CREB3L2: variants seen among roughly 807,000 people sequenced by gnomAD.
The protein encoded by CREB3L2 is cAMP responsive element binding protein 3 like 2, also known as cyclic AMP-responsive element-binding protein 3-like protein 2.
Under a neutral mutation model 57.2 loss-of-function variants are expected in CREB3L2, and 23 were observed. That is an observed-to-expected ratio of 0.40 (90% CI 0.29 to 0.57). The LOEUF (loss-of-function observed/expected upper bound fraction) is 0.57, where lower values mean the gene tolerates loss of function less well. CREB3L2 is among the 20% of genes least tolerant of loss of function. The pLI, the probability that CREB3L2 is intolerant of heterozygous loss-of-function variation, is 0.42. For missense variants in CREB3L2, 628 were observed against 634.7 expected (o/e 0.99, Z 0.11); for synonymous variants, 268 against 265.1 (o/e 1.01, Z -0.11).
chr7:137,999,397 C>CACACACACACAG (rs1554506145), intron 1 of CREB3L2, among the ~76,000 whole-genome samples: 2 of 151,698 alleles, frequency 1.3e-5, no homozygotes, highest in Admixed American at 1.3e-4. Context: ...CACACACACA[C>CACACACACACAG]ACACACACAC....
intron 1 of CREB3L2, among the ~76,000 whole-genome samples, chr7:138,000,614 G>A (rs568809271): frequency 1.3e-5 from 2 of 152,176 alleles, no homozygotes; most frequent in African/African-American, 4.8e-5. Flanking sequence ...TCTTGGTACT[G>A]ACCCCATTAA....
Position 137,908,413 on chromosome 7 carries a change from G to A in CREB3L2, c.607C>T (p.Pro203Ser), listed in dbSNP as rs866063606. Reference sequence around the variant, plus strand: ...CCGTGACTGCTCGGAGGGGTGGGCGGCAAATGCAGGTGGTCCACTGGGGCT... The same window carrying A: ...CCGTGACTGCTCGGAGGGGTGGGCGACAAATGCAGGTGGTCCACTGGGGCT... ...KEAPVDHLHL[P>S]PTPPSSHGSD... Residue 203 changes from proline (P) to serine (S), a missense_variant, in exon 5 of 12, where the codon CCG becomes TCG. Coordinates refer to ENST00000330387, the MANE Select transcript of CREB3L2 (RefSeq NM_194071.4). 2 of 1,266,190 alleles carry A rather than the reference G, an allele frequency of 1.6e-6. No homozygotes were observed. Among genetic ancestry groups the A allele is most frequent in the South Asian group, 3.5e-5 (1 of 28,914 alleles). The allele number at this position is 1,266,190 out of a possible 1,614,324, so 78.4% of individuals were successfully genotyped here. A position where few individuals can be genotyped will look rare whatever the true frequency, so the allele number is the denominator to read the frequency against.
rs534777930 is a variant in CREB3L2 at position 137,880,831 on chromosome 7, C to T, written c.1488-280G>A. The stretch of plus-strand genomic sequence containing the variant: ...CTTGATATTGATCTGCTATGAGATG[C>T]ATTAAATTATTCTATTTACTTAGGA... On this transcript the variant is annotated intron_variant, in intron 11 of 11. Transcript: ENST00000330387. The surrounding 1 kb of genome is among the most constrained non-coding windows in gnomAD (Gnocchi z 4.0). Among the ~76,000 whole-genome samples the T allele has an allele frequency of 1.2e-3, 176 of 152,238 alleles. No individual in the cohort carries two copies. The highest frequency in any genetic ancestry group is 1.9e-3 in the Non-Finnish European group (127 of 68,018).
At position 137,906,294 on chromosome 7, in the gene CREB3L2, C is replaced by T. The variant is rs1314694711; in HGVS notation, c.769-446G>A. Among the ~76,000 whole-genome samples the T allele has an allele frequency of 4.6e-5, 7 of 152,148 alleles. No individual in the cohort carries two copies. In the South Asian group the frequency reaches 1.0e-3, roughly 22 times the overall value. On this transcript the variant is annotated intron_variant, in intron 5 of 11. Transcript: ENST00000330387. ...GCTCTCTACACAACAGGAGTCAATT[C>T]TCTCCTCCACTTTTAGCTAAGAGTG...
Position 137,880,631 on chromosome 7 carries a change from A to ACCCC in CREB3L2, c.1488-81_1488-80insGGGG. 1 of 1,166,090 alleles carries ACCCC rather than the reference A, an allele frequency of 8.6e-7. No individual in the cohort carries two copies. Among genetic ancestry groups the ACCCC allele is most frequent in the Non-Finnish European group, 1.3e-6 (1 of 781,622 alleles). 72.2% of individuals were successfully genotyped at this position (1,166,090 alleles called of 1,614,324 possible). ...TTCTCATGCTTTGTAGCGTGATGCA[A>ACCCC]TCATTCAGGGGTTGCAACTTGGTGA... is the stretch of plus-strand genomic sequence containing the variant. On this transcript the variant is annotated intron_variant, in intron 11 of 11. Coordinates refer to ENST00000330387, the MANE Select transcript of CREB3L2 (RefSeq NM_194071.4). The surrounding 1 kb of genome is among the most constrained non-coding windows in gnomAD (Gnocchi z 4.0).
At chr7:137,923,131 C>A (rs971739813) in intron 2 of CREB3L2, among the ~76,000 whole-genome samples, 4 of 152,136 alleles carry the variant, frequency 2.6e-5, no homozygotes, top group Non-Finnish European at 5.9e-5. Context: ...TTTACTACAT[C>A]CTTTTTTCTT....
intron 1 of CREB3L2, among the ~76,000 whole-genome samples, chr7:137,939,775 T>C (rs907278761): frequency 2.6e-5 from 4 of 152,090 alleles, no homozygotes; most frequent in Admixed American, 6.6e-5. Context: ...CCCTCTCCCT[T>C]TTCTCCACTT....
chr7:137,896,521 G>A (rs562424270), intron 8 of CREB3L2, among the ~76,000 whole-genome samples: 6 of 152,084 alleles, frequency 3.9e-5, no homozygotes, highest in East Asian at 3.9e-4. Context: ...GGCTGGTCTC[G>A]AACTCCCAAC....
rs1327550692 is a variant in CREB3L2, at chr7:137,997,378, T to A, written c.102+4226A>T. Among the ~76,000 whole-genome samples, 6 of 152,316 alleles carry A rather than the reference T, an allele frequency of 3.9e-5. 1 individual carries two copies. In the Middle Eastern group the frequency reaches 0.01, roughly 259 times the overall value. On this transcript the variant is annotated intron_variant, in intron 1 of 11. Coordinates refer to ENST00000330387, the MANE Select transcript of CREB3L2 (RefSeq NM_194071.4). Reference sequence around the variant, plus strand: ...TGAGCATCCTTCCAGATACAGTTTATACATATATAAAATACATTTTAAAAT... The same window carrying A: ...TGAGCATCCTTCCAGATACAGTTTAAACATATATAAAATACATTTTAAAAT...
intron 8 of CREB3L2, among the ~76,000 whole-genome samples, chr7:137,891,277 T>C (rs187725566): frequency 3.9e-4 from 59 of 152,274 alleles, no homozygotes; most frequent in Admixed American, 3.4e-3. Context: ...TCAAAGGAAA[T>C]TGGGCAAAAC....
At chr7:137,976,032 C>T (rs1801602055) in intron 1 of CREB3L2, among the ~76,000 whole-genome samples, 1 of 152,240 alleles carries the variant, frequency 6.6e-6, no homozygotes, top group African/African-American at 2.4e-5. Flanking sequence ...AGATGTTCCA[C>T]AGACATCATC....
At chr7:137,951,181 T>C (rs1801086279) in intron 1 of CREB3L2, among the ~76,000 whole-genome samples, 1 of 152,202 alleles carries the variant, frequency 6.6e-6, no homozygotes, top group South Asian at 2.1e-4. Flanking sequence ...TTTGTGCTTT[T>C]TGTTGGTGAC....
intron 2 of CREB3L2, among the ~76,000 whole-genome samples, chr7:137,916,409 A>C (rs1189968155): frequency 6.6e-6 from 1 of 152,230 alleles, no homozygotes; most frequent in African/African-American, 2.4e-5. Context: ...AAATAAGCAC[A>C]TTTAAAAACA....
At chr7:137,907,869 T>C (rs1250199006) in intron 5 of CREB3L2, among the ~76,000 whole-genome samples, 1 of 152,210 alleles carries the variant, frequency 6.6e-6, no homozygotes, top group East Asian at 1.9e-4. Context: ...AAAAATTGCT[T>C]CTTTAAAATA....
chr7:137,941,742 A>G (rs1800882755), intron 1 of CREB3L2, among the ~76,000 whole-genome samples: 1 of 152,262 alleles, frequency 6.6e-6, no homozygotes, highest in South Asian at 2.1e-4. Flanking sequence ...ACTACCCTAA[A>G]GAAGCAGAGT....
intron 1 of CREB3L2, among the ~76,000 whole-genome samples, chr7:137,966,918 A>G (rs1034853333): frequency 1.3e-5 from 2 of 152,194 alleles, no homozygotes; most frequent in Admixed American, 1.3e-4. Flanking sequence ...AAATTCATAT[A>G]TTGAATCCCT....
intron 3 of CREB3L2, among the ~76,000 whole-genome samples, chr7:137,913,609 T>A (rs765394671): frequency 6.6e-6 from 1 of 151,296 alleles, no homozygotes; most frequent in Non-Finnish European, 1.5e-5. Context: ...ATCAATATTC[T>A]TTTCTATGTT....
chr7:137,972,730 TATATATAGAGAGAGAGAG>T (rs1320022279), intron 1 of CREB3L2, among the ~76,000 whole-genome samples: 30 of 27,332 alleles, frequency 1.1e-3, no homozygotes, highest in African/African-American at 6.0e-3. Flanking sequence ...TATATATATA[TATATATAGAGAGAGAGAG>T]AGAGAGAGAG....
At position 137,882,455 on chromosome 7, in the gene CREB3L2, T is replaced by A. The variant is rs1585586190; in HGVS notation, c.1444A>T (p.Thr482Ser). Residue 482 changes from threonine to serine, a missense_variant, in exon 11 of 12, where the codon ACC becomes TCC. Thr to Ser is a moderately conservative substitution (Grantham distance 58). Transcript: ENST00000330387. ...DLPHFIISNE[T>S]SLEKSVLLEL... ...AAAAGCACTGACTTCTCCAGGCTGG[T>A]CTCATTCGAGATAATGAAATGGGGA... The A allele has an allele frequency of 6.2e-7, 1 of 1,613,954 alleles. No homozygotes were observed.
Sources: gnomAD v4.1 joint callset for allele counts (sites outside exome capture counted in the v4.1 genomes callset) on GRCh38, gnomAD v4.1.1 for gene constraint, Gnocchi (gnomAD v3.1) non-coding constraint, MANE v1.5 for transcripts, NCBI Gene and HGNC (gene_info 2026-07-23, HGNC 2026-07-21) for gene names.